DSC1: variants seen among roughly 807,000 people sequenced by gnomAD.
The protein encoded by DSC1 is desmocollin-1.
Under a neutral mutation model 98.8 loss-of-function variants are expected in DSC1, and 79 were observed. That is an observed-to-expected ratio of 0.80 (90% CI 0.67 to 0.96). The LOEUF is 0.96. Among genes scored for constraint, DSC1 ranks in the 50% least tolerant of loss-of-function variants. The probability of loss-of-function intolerance (pLI) is 0.00; values close to 1 mark genes in which losing one functional copy is unlikely to be tolerated. For missense variants in DSC1, 1,115 were observed against 1,075.9 expected, an observed-to-expected ratio of 1.04 and a Z score of -0.51; for synonymous variants, 405 against 372.1, an observed-to-expected ratio of 1.09 and a Z score of -1.02.
Position 31,148,610 on chromosome 18 carries a change from A to C in DSC1, c.660T>G (p.Tyr220Ter). The stretch of plus-strand genomic sequence containing the variant: ...TCAAAGGGAGTGGATATTCTGGTGC[A>C]TAGCCATCTGCAGTTGTTGCATAGC... ...LYGYATTADG[Y>*]APEYPLPLII... Residue 220 changes from tyrosine (Y) to a stop codon, truncating the protein, a stop_gained, in exon 6 of 16, where the codon TAT (tyrosine) becomes TAG (stop). Coordinates refer to ENST00000257198, the MANE Select transcript of DSC1 (RefSeq NM_024421.2). LOFTEE classifies it high-confidence loss of function. The C allele has an allele frequency of 6.2e-7, 1 of 1,605,130 alleles. No homozygotes were observed. The highest frequency in any genetic ancestry group is 8.5e-7 in the Non-Finnish European group (1 of 1,173,664).
chr18:31,134,644 CA>C lies in DSC1; in HGVS notation c.1803del (p.Glu602LysfsTer20). On this transcript the variant is annotated frameshift_variant, in exon 12 of 16. Coordinates refer to ENST00000257198, the MANE Select transcript of DSC1 (RefSeq NM_024421.2). LOFTEE classifies it high-confidence loss of function. ...AVLKPVDPDG[P>X]ENGPPFQFFL... The stretch of plus-strand genomic sequence containing the variant: ...AAGAATTGAAAAGGTGGTCCATTTT[CA>C]GGTCCATCTGGATCTACAGGTTTCA... The C allele has an allele frequency of 6.2e-7, 1 of 1,612,920 alleles. No individual in the cohort carries two copies. The highest frequency in any genetic ancestry group is 8.5e-7 in the Non-Finnish European group (1 of 1,179,402).
intron 5 of DSC1, among the ~76,000 whole-genome samples, chr18:31,150,342 TCACCACCACCACCAC>T (rs1454669441): frequency 1.9e-4 from 13 of 68,836 alleles, no homozygotes; most frequent in African/African-American, 2.5e-4. Context: ...ACCACTACCA[TCACCACCACCACCAC>T]CATCATCACC....
intron 1 of DSC1, among the ~76,000 whole-genome samples, chr18:31,161,381 T>C (rs1206859366): frequency 6.6e-6 from 1 of 151,642 alleles, no homozygotes; most frequent in Non-Finnish European, 1.5e-5. Context: ...CATATATATA[T>C]ATAAATATAT....
rs201036002 is a variant in DSC1, at chr18:31,159,423, A to T, written c.148+22T>A. The T allele has an allele frequency of 5.0e-6, 8 of 1,608,188 alleles. No homozygotes were observed. The East Asian group carries it at 1.8e-4, about 36-fold the overall frequency. ...TAAATGTGACAAGTTACAGCTATGAAACTGTTAATAGTGTTTCTCACCTTT... is the reference window on the plus strand; with the variant it reads ...TAAATGTGACAAGTTACAGCTATGATACTGTTAATAGTGTTTCTCACCTTT... On this transcript the variant is annotated intron_variant, in intron 2 of 15. Transcript: ENST00000257198.
chr18:31,131,478 A>G lies in DSC1; in HGVS notation c.2487+116T>C, dbSNP rs561384554. 1.4e-4 allele frequency: 187 copies of G among 1,318,248 alleles called. No homozygotes were observed. In the African/African-American group the frequency reaches 2.2e-3, roughly 16 times the overall value. The allele number at this position is 1,318,248 out of a possible 1,614,324, so 81.7% of individuals were successfully genotyped here. Reference sequence around the variant, plus strand: ...CAGACATCCACATCTATGATAATCCAACAGGTAAAAGATGTTGAATTCCAG... The same window carrying G: ...CAGACATCCACATCTATGATAATCCGACAGGTAAAAGATGTTGAATTCCAG... On this transcript the variant is annotated intron_variant, in intron 15 of 15. Coordinates refer to ENST00000257198, the MANE Select transcript of DSC1 (RefSeq NM_024421.2).
chr18:31,132,436 G>C, intron 14 of DSC1, 132 bp downstream of exon 14: 1 of 1,265,268 alleles, frequency 7.9e-7, no homozygotes, highest in African/African-American at 1.5e-5. Flanking sequence ...AAAACACTGA[G>C]GGCACTTGAA....
intron 4 of DSC1, among the ~76,000 whole-genome samples, 177 bp downstream of exon 4, chr18:31,155,866 A>G (rs1989087410): frequency 6.6e-6 from 1 of 152,198 alleles, no homozygotes; most frequent in Non-Finnish European, 1.5e-5. Context: ...TGATATCTGT[A>G]AGAAAGTAAT....
At position 31,161,383 on chromosome 18, in the gene DSC1, T is replaced by TATAA. The variant is rs577603095; in HGVS notation, c.63+1148_63+1149insTTAT. ...ATATATAAATGTACATATATATATA[T>TATAA]AAATATATGAGACATTCTTATAGTT... On this transcript the variant is annotated intron_variant, in intron 1 of 15. Transcript: ENST00000257198. Among the ~76,000 whole-genome samples the TATAA allele has an allele frequency of 7.7e-3, 1,164 of 151,782 alleles. 14 individuals are homozygous for TATAA. Among genetic ancestry groups the TATAA allele is most frequent in the African/African-American group, 0.027 (1,109 of 41,330 alleles).
intron 7 of DSC1, 78 bp from the exon 8 acceptor site, chr18:31,143,869 G>A (rs12454773): frequency 0.23 from 247,469 of 1,086,002 alleles, 32,565 homozygotes; most frequent in East Asian, 0.59. Flanking sequence ...ACTTGTTTAG[G>A]CACGATTATT....
chr18:31,154,237 A>T (rs1989051502), intron 5 of DSC1, among the ~76,000 whole-genome samples: 1 of 151,682 alleles, frequency 6.6e-6, no homozygotes, highest in Non-Finnish European at 1.5e-5. Context: ...AATGGTACTA[A>T]GGGATCTCAT....
chr18:31,161,546 C>T (rs1038654739), intron 1 of DSC1, among the ~76,000 whole-genome samples: 2 of 152,150 alleles, frequency 1.3e-5, no homozygotes, highest in African/African-American at 4.8e-5. Flanking sequence ...GGTTAAATCA[C>T]TGACTAAGTG....
chr18:31,154,643 A>G, intron 5 of DSC1, 131 bp downstream of exon 5: 1 of 861,530 alleles, frequency 1.2e-6, no homozygotes, highest in South Asian at 2.7e-5. Context: ...TTTAAAGTTT[A>G]TATTGCATAT....
At chr18:31,157,956 G>C (rs1568005860) in intron 2 of DSC1, among the ~76,000 whole-genome samples, 2 of 152,040 alleles carry the variant, frequency 1.3e-5, no homozygotes, top group Non-Finnish European at 2.9e-5. Flanking sequence ...TTTTGCAGTA[G>C]TTTGATACTT....
chr18:31,132,715 A>T (rs1988522731), intron 13 of DSC1, 26 bp from the exon 14 acceptor site: 2 of 1,598,374 alleles, frequency 1.3e-6, no homozygotes, highest in Non-Finnish European at 1.7e-6. Flanking sequence ...GATCAAAGTA[A>T]AACACAGACA....
rs865972313 is a variant in DSC1, at chr18:31,150,366, C to T, written c.628-1724G>A. On this transcript the variant is annotated intron_variant, in intron 5 of 15. Transcript: ENST00000257198. ...ATCACCACCACCACCACCATCATCA[C>T]CACCACCATCATCACCACCATCACC... 1.8e-3 allele frequency among the ~76,000 whole-genome samples: 38 copies of T among 20,662 alleles called. 7 individuals are homozygous for T. Among genetic ancestry groups the T allele is most frequent in the East Asian group, 0.015 (2 of 136 alleles). The allele number at this position is 20,662 out of a possible 152,430, so 13.6% of individuals were successfully genotyped here.
intron 2 of DSC1, among the ~76,000 whole-genome samples, chr18:31,157,920 C>T (rs2741000): frequency 0.64 from 96,756 of 151,950 alleles, 31,305 homozygotes; most frequent in East Asian, 0.81. Flanking sequence ...GTGGTATAAC[C>T]GTATGATGTC....
intron 6 of DSC1, among the ~76,000 whole-genome samples, 175 bp from the exon 7 acceptor site, chr18:31,145,952 C>T (rs536289363): frequency 6.6e-5 from 10 of 152,326 alleles, no homozygotes; most frequent in Admixed American, 1.3e-4. Flanking sequence ...CTCCCTTACT[C>T]GGGAACTTCA....
intron 5 of DSC1, among the ~76,000 whole-genome samples, chr18:31,150,494 TCAC>T (rs75350230): frequency 0.44 from 56,829 of 129,396 alleles, 11,404 homozygotes; most frequent in Non-Finnish European, 0.5. Context: ...AGCACCATCA[TCAC>T]CACACTACCA....
Position 31,140,308 on chromosome 18 carries a change from A to T in DSC1, c.1261-7T>A, listed in dbSNP as rs1415843368. On this transcript the variant is annotated splice_polypyrimidine_tract_variant and splice_region_variant and intron_variant, in intron 9 of 15. Transcript: ENST00000257198. ...TGACTTCATAGTTCAATGGCTGTTA[A>T]ATAAGCATACTTTAATAAGTCAATA... is the stretch of plus-strand genomic sequence containing the variant. 6.2e-7 allele frequency: 1 copy of T among 1,613,462 alleles called. No individual in the cohort carries two copies. The highest frequency in any genetic ancestry group is 1.7e-5 in the Admixed American group (1 of 59,952).
Sources: allele counts gnomAD v4.1 joint callset (sites outside exome capture counted in the v4.1 genomes callset), GRCh38; gene constraint gnomAD v4.1.1; transcripts MANE v1.5; gene names NCBI Gene and HGNC (gene_info 2026-07-23, HGNC 2026-07-21).